SIRT1: variants seen among roughly 807,000 people sequenced by gnomAD.
The protein encoded by SIRT1 is NAD-dependent protein deacetylase sirtuin-1.
Under a neutral mutation model 67.9 loss-of-function variants are expected in SIRT1, and 24 were observed. That is an observed-to-expected ratio of 0.35 (90% CI 0.26 to 0.50). The LOEUF is 0.50. Ranked by LOEUF, SIRT1 falls within the 20% of genes least tolerant of loss-of-function variation. The probability of loss-of-function intolerance (pLI) is 0.98; values close to 1 mark genes in which losing one functional copy is unlikely to be tolerated. For missense variants in SIRT1, 873 were observed against 937.2 expected, an observed-to-expected ratio of 0.93 and a Z score of 0.89; for synonymous variants, 378 against 350.7, an observed-to-expected ratio of 1.08 and a Z score of -0.87.
At chr10:67,902,941 A>G (rs1038296278) in intron 4 of SIRT1, among the ~76,000 whole-genome samples, 1 of 152,164 alleles carries the variant, frequency 6.6e-6, no homozygotes, top group Non-Finnish European at 1.5e-5. Context: ...CTAAAAACAA[A>G]TTAGCTGAAT....
chr10:67,896,720 C>G (rs1842663607), intron 4 of SIRT1, among the ~76,000 whole-genome samples: 1 of 136,012 alleles, frequency 7.4e-6, no homozygotes, highest in South Asian at 2.4e-4. Flanking sequence ...TGAGATCGCG[C>G]TGCTGTACTC....
intron 4 of SIRT1, 113 bp downstream of exon 4, chr10:67,891,667 A>C (rs1165528351): frequency 3.9e-6 from 4 of 1,036,828 alleles, no homozygotes; most frequent in Non-Finnish European, 5.7e-6. Flanking sequence ...GAATGCTGCT[A>C]CTGTGGCGGA....
rs146776266 is a variant in SIRT1, at chr10:67,893,323, G to C, written c.942+1769G>C. ...GCCCCCCACCTCCTGACAGGCCTCT[G>C]TGTGTGGTGTTCCCCACCCTGTGTC... On this transcript the variant is annotated intron_variant, in intron 4 of 8. Transcript: ENST00000212015. Among the ~76,000 whole-genome samples the C allele has an allele frequency of 5.9e-4, 90 of 152,140 alleles. No individual in the cohort carries two copies. The East Asian group carries it at 0.016, about 28-fold the overall frequency.
intron 4 of SIRT1, among the ~76,000 whole-genome samples, chr10:67,905,356 C>T (rs1309735309): frequency 6.6e-6 from 1 of 152,212 alleles, no homozygotes; most frequent in Admixed American, 6.5e-5. Flanking sequence ...AAGCTTTTCC[C>T]TTGCTACTAT....
chr10:67,885,215 G>T lies in SIRT1; in HGVS notation c.430+64G>T, dbSNP rs1842456814. ...CCTCCCTCTCCCCGGGCTCCTACTG[G>T]CCTGAGGTTGAGGGCGGCTGGGGGC... On this transcript the variant is annotated intron_variant, in intron 1 of 8. Coordinates refer to ENST00000212015, the MANE Select transcript of SIRT1 (RefSeq NM_012238.5). 6 of 1,275,416 alleles carry T rather than the reference G, an allele frequency of 4.7e-6. No individual in the cohort carries two copies. In the East Asian group the frequency reaches 1.9e-4, roughly 40 times the overall value. The allele number at this position is 1,275,416 out of a possible 1,614,324, so 79.0% of individuals were successfully genotyped here. A position where few individuals can be genotyped will look rare whatever the true frequency, so the allele number is the denominator to read the frequency against.
At chr10:67,912,420 A>T in intron 7 of SIRT1, 54 bp from the exon 8 acceptor site, 1 of 1,478,312 alleles carries the variant, frequency 6.8e-7, no homozygotes, top group Non-Finnish European at 9.1e-7. Context: ...TTGTGGTTTT[A>T]TTAGCTTACT....
Position 67,884,792 on chromosome 10 carries a change from C to G in SIRT1, c.71C>G (p.Ala24Gly), listed in dbSNP as rs1268445241. Reference protein sequence around the residue: ...SPSAAGADREAASSPAGEPLR... With the variant: ...SPSAAGADREGASSPAGEPLR... ...TCGGCGGCGGGGGCCGACAGGGAGGCCGCGTCGTCCCCCGCCGGGGAGCCG... is the reference window on the plus strand; with the variant it reads ...TCGGCGGCGGGGGCCGACAGGGAGGGCGCGTCGTCCCCCGCCGGGGAGCCG... The change falls in exon 1 of 9, where the codon GCC (alanine) becomes GGC (glycine). Residue 24 changes from alanine (A) to glycine (G), a missense_variant. Coordinates refer to ENST00000212015, the MANE Select transcript of SIRT1 (RefSeq NM_012238.5). 5.0e-6 allele frequency: 6 copies of G among 1,200,764 alleles called. No individual in the cohort carries two copies. In the African/African-American group the frequency reaches 9.5e-5, roughly 19 times the overall value. The allele number at this position is 1,200,764 out of a possible 1,614,324, so 74.4% of individuals were successfully genotyped here. A position where few individuals can be genotyped will look rare whatever the true frequency, so the allele number is the denominator to read the frequency against.
At chr10:67,896,817 C>T (rs910810537) in intron 4 of SIRT1, among the ~76,000 whole-genome samples, 4 of 151,440 alleles carry the variant, frequency 2.6e-5, no homozygotes, top group African/African-American at 9.7e-5. Context: ...GTTTGTATCC[C>T]CACCCCAAGT....
In SIRT1 at chr10:67,911,419, C is replaced by G. The variant is rs199683376; in HGVS notation, c.1358-1055C>G. Among the ~76,000 whole-genome samples, 32 of 152,170 alleles carry G rather than the reference C, an allele frequency of 2.1e-4. No homozygotes were observed. The East Asian group carries it at 3.1e-3, about 15-fold the overall frequency. ...TGTTGCCCAGGCTGGTCACAAACTC[C>G]TGGCCTCAAGTGATCCTTCCTCCTC... is the stretch of plus-strand genomic sequence containing the variant. On this transcript the variant is annotated intron_variant, in intron 7 of 8. Coordinates refer to ENST00000212015, the MANE Select transcript of SIRT1 (RefSeq NM_012238.5).
intron 4 of SIRT1, chr10:67,906,203 C>G: frequency 6.8e-7 from 1 of 1,460,550 alleles, no homozygotes; most frequent in Non-Finnish European, 9.1e-7. Context: ...GAAAAACACA[C>G]ACACAAAATC....
At chr10:67,912,443 T>C in intron 7 of SIRT1, 31 bp from the exon 8 acceptor site, 1 of 1,545,534 alleles carries the variant, frequency 6.5e-7, no homozygotes, top group East Asian at 2.3e-5. Context: ...CTCCTCCCTT[T>C]TTCTAACTCT....
chr10:67,898,274 GAAAAGAAAAA>G (rs1842690500), intron 4 of SIRT1, among the ~76,000 whole-genome samples: 1 of 142,024 alleles, frequency 7.0e-6, no homozygotes, highest in Non-Finnish European at 1.5e-5. Context: ...AAAAAAAAAA[GAAAAGAAAAA>G]AAAAGAAAAG....
chr10:67,893,785 C>T (rs561707975), intron 4 of SIRT1, among the ~76,000 whole-genome samples: 14 of 152,112 alleles, frequency 9.2e-5, no homozygotes, highest in East Asian at 1.9e-4. Context: ...CCTTGTGGTC[C>T]GCCCATCTCA....
At chr10:67,908,461 G>T (rs964696957) in intron 6 of SIRT1, among the ~76,000 whole-genome samples, 2 of 151,990 alleles carry the variant, frequency 1.3e-5, no homozygotes, top group Non-Finnish European at 2.9e-5. Context: ...ATTAGTTATG[G>T]TAATCTAAAA....
At chr10:67,899,155 T>G (rs1842703318) in intron 4 of SIRT1, among the ~76,000 whole-genome samples, 1 of 152,022 alleles carries the variant, frequency 6.6e-6, no homozygotes, top group Admixed American at 6.6e-5. Flanking sequence ...TTGGAAAGGT[T>G]GAAATAAAAT....
intron 3 of SIRT1, among the ~76,000 whole-genome samples, chr10:67,891,053 AAAG>A (rs1239948139): frequency 2.0e-5 from 3 of 151,992 alleles, no homozygotes; most frequent in South Asian, 2.1e-4. Flanking sequence ...ACAAAAAAAA[AAAG>A]AAAAAATTCT....
chr10:67,908,779 T>G (rs542025231), intron 6 of SIRT1, among the ~76,000 whole-genome samples: 1 of 152,188 alleles, frequency 6.6e-6, no homozygotes, highest in African/African-American at 2.4e-5. Context: ...GCATATGCCT[T>G]TAATCTCAGC....
At chr10:67,912,448 A>G (rs777506982) in intron 7 of SIRT1, 26 bp from the exon 8 acceptor site, 2 of 1,550,590 alleles carry the variant, frequency 1.3e-6, no homozygotes, top group African/African-American at 2.8e-5. Context: ...CCCTTTTTCT[A>G]ACTCTTATTT....
At chr10:67,903,577 C>T (rs186772599) in intron 4 of SIRT1, among the ~76,000 whole-genome samples, 13 of 151,982 alleles carry the variant, frequency 8.6e-5, no homozygotes, top group African/African-American at 2.4e-4. Context: ...TTAGTAGAGA[C>T]GGGGTTTCAC....
Sources: gnomAD v4.1 joint callset for allele counts (sites outside exome capture counted in the v4.1 genomes callset) on GRCh38, gnomAD v4.1.1 for gene constraint, MANE v1.5 for transcripts, NCBI Gene and HGNC (gene_info 2026-07-23, HGNC 2026-07-21) for gene names.